The following NT5DC3 variants were observed in gnomAD, a reference collection of about 807,000 sequenced individuals.
The protein encoded by NT5DC3 is 5'-nucleotidase domain-containing protein 3.
Under a neutral mutation model 67.8 loss-of-function variants are expected in NT5DC3, and 42 were observed. That is an observed-to-expected ratio of 0.62 (90% CI 0.48 to 0.80). The LOEUF is 0.80. Among genes scored for constraint, NT5DC3 ranks in the 30% least tolerant of loss-of-function variants. The probability of loss-of-function intolerance (pLI) is 0.00; values close to 1 mark genes in which losing one functional copy is unlikely to be tolerated. For missense variants in NT5DC3, 570 were observed against 696.4 expected, an observed-to-expected ratio of 0.82 and a Z score of 2.04; for synonymous variants, 237 against 255.6, an observed-to-expected ratio of 0.93 and a Z score of 0.69.
intron 1 of NT5DC3, among the ~76,000 whole-genome samples, chr12:103,827,205 A>G (rs1887734233): frequency 6.6e-6 from 1 of 152,198 alleles, no homozygotes; most frequent in South Asian, 2.1e-4. Context: ...TGATCATGCC[A>G]TTGCACTTCA....
In NT5DC3 at chr12:103,809,380, C is replaced by T. The variant is rs983048718; in HGVS notation, c.394-2451G>A. Among the ~76,000 whole-genome samples, 5 of 152,250 alleles carry T rather than the reference C, an allele frequency of 3.3e-5. No homozygotes were observed. The East Asian group carries it at 9.6e-4, about 29-fold the overall frequency. ...TCACATTCCGCTTGCCTCTCACTCT[C>T]AATGTTATTCTTGGGGAGCCACTCC... is the stretch of plus-strand genomic sequence containing the variant. On this transcript the variant is annotated intron_variant, in intron 2 of 13. Coordinates refer to ENST00000392876, the MANE Select transcript of NT5DC3 (RefSeq NM_001031701.3).
intron 6 of NT5DC3, among the ~76,000 whole-genome samples, chr12:103,796,222 G>A (rs956519341): frequency 1.3e-5 from 2 of 152,162 alleles, no homozygotes; most frequent in African/African-American, 4.8e-5. Context: ...CCCATGTGAC[G>A]AAGAGGCACC....
chr12:103,787,821 ATTCCT>A, intron 10 of NT5DC3, among the ~76,000 whole-genome samples: 1 of 152,176 alleles, frequency 6.6e-6, no homozygotes, highest in Non-Finnish European at 1.5e-5. Context: ...AAGTACCATG[ATTCCT>A]TTCGCCAATT....
At chr12:103,751,446 CAT>C in the NT5DC3 span, among the ~76,000 whole-genome samples, 1 of 152,146 alleles carries the variant, frequency 6.6e-6, no homozygotes, top group Admixed American at 6.5e-5. Flanking sequence ...TCAGCCATGA[CAT>C]AAAGTTTCCA....
chr12:103,787,303 T>G (rs1367227745), intron 11 of NT5DC3, 138 bp downstream of exon 11: 1 of 457,968 alleles, frequency 2.2e-6, no homozygotes, highest in Non-Finnish European at 3.8e-6. Context: ...TACTTTTAGG[T>G]TTTATGAAAG....
chr12:103,751,408 T>C, the NT5DC3 span, among the ~76,000 whole-genome samples: 52 of 152,098 alleles, frequency 3.4e-4, no homozygotes, highest in African/African-American at 1.2e-3. Context: ...GAACTAACAA[T>C]GGACACAGAA....
chr12:103,783,412 C>T (rs1254318715), intron 12 of NT5DC3, among the ~76,000 whole-genome samples: 1 of 152,102 alleles, frequency 6.6e-6, no homozygotes, highest in African/African-American at 2.4e-5. Flanking sequence ...ATCTCCTCTG[C>T]GCCTCAGGGT....
At chr12:103,809,401 A>G (rs1886937005) in intron 2 of NT5DC3, among the ~76,000 whole-genome samples, 1 of 152,192 alleles carries the variant, frequency 6.6e-6, no homozygotes, top group Admixed American at 6.5e-5. Flanking sequence ...TTGGGGAGCC[A>G]CTCCTGAGAA....
At chr12:103,789,025 TA>T (rs1284145883) in intron 9 of NT5DC3, 106 bp from the exon 10 acceptor site, 16 of 775,736 alleles carry the variant, frequency 2.1e-5, no homozygotes, top group Non-Finnish European at 3.1e-5. Context: ...TGCAAAAACC[TA>T]AAAAAAACCC....
chr12:103,759,365 A>G, the NT5DC3 span: 1 of 1,510,852 alleles, frequency 6.6e-7, no homozygotes, highest in Non-Finnish European at 8.9e-7. Context: ...GGCAACTATT[A>G]TGCAAACATA....
intron 6 of NT5DC3, among the ~76,000 whole-genome samples, chr12:103,794,290 C>T (rs1886212764): frequency 2.3e-5 from 2 of 87,028 alleles, no homozygotes; most frequent in South Asian, 6.9e-4. Context: ...GTTGGGATTA[C>T]AGGCGCCCGC....
chr12:103,758,320 G>C, the NT5DC3 span: 4 of 1,609,530 alleles, frequency 2.5e-6, no homozygotes, highest in African/African-American at 5.3e-5. Context: ...CTTTGCTTTA[G>C]ACTAGCATGT....
rs757253518 is a variant in NT5DC3 at position 103,775,695 on chromosome 12, C to G, written c.*2134G>C. On this transcript the variant is annotated 3_prime_UTR_variant, in exon 14 of 14. Transcript: ENST00000392876. The stretch of plus-strand genomic sequence containing the variant: ...TCCAAAAAAAGAACATACTACTGTG[C>G]CTTACTGTGTTCATAACAAAATGTA... 3 of 145,710 alleles carry G rather than the reference C, an allele frequency of 2.1e-5. No homozygotes were observed. In the Admixed American group the frequency reaches 2.1e-4, roughly 10 times the overall value. The allele number at this position is 145,710 out of a possible 1,614,324, so 9.0% of individuals were successfully genotyped here.
At chr12:103,750,672 A>T in the NT5DC3 span, 1 of 1,614,244 alleles carries the variant, frequency 6.2e-7, no homozygotes, top group Non-Finnish European at 8.5e-7. Flanking sequence ...CTTACAGGAC[A>T]ATGGGCAGTG....
chr12:103,792,673 T>C (rs891207756), intron 9 of NT5DC3, among the ~76,000 whole-genome samples: 1 of 152,202 alleles, frequency 6.6e-6, no homozygotes, highest in African/African-American at 2.4e-5. Flanking sequence ...ACGGCTACAG[T>C]GGCAGGAAGA....
downstream of NT5DC3, among the ~76,000 whole-genome samples, chr12:103,772,112 AT>A (rs1233334409): frequency 6.6e-6 from 1 of 152,214 alleles, no homozygotes; most frequent in Non-Finnish European, 1.5e-5. Flanking sequence ...AAAAAAGGTT[AT>A]CCCTTCTCTC....
At chr12:103,778,971 T>C (rs567654310) in intron 13 of NT5DC3, among the ~76,000 whole-genome samples, 1 of 152,206 alleles carries the variant, frequency 6.6e-6, no homozygotes, top group South Asian at 2.1e-4. Flanking sequence ...CAACAGCTGC[T>C]CCCGATGGTA....
downstream of NT5DC3, chr12:103,766,460 T>G: frequency 8.9e-7 from 1 of 1,121,660 alleles, no homozygotes. Flanking sequence ...ATACCTCATC[T>G]CTCTGGCTGA....
intron 7 of NT5DC3, 103 bp downstream of exon 7, chr12:103,793,834 T>C: frequency 3.3e-6 from 3 of 913,960 alleles, no homozygotes; most frequent in Non-Finnish European, 5.4e-6. Flanking sequence ...AGAGCACTCA[T>C]GCAGCCTCTG....
Sources: gnomAD v4.1 joint callset for allele counts (sites outside exome capture counted in the v4.1 genomes callset) on GRCh38, gnomAD v4.1.1 for gene constraint, MANE v1.5 for transcripts, NCBI Gene and HGNC (gene_info 2026-07-23, HGNC 2026-07-21) for gene names.